KRT85: variants seen among roughly 807,000 people sequenced by gnomAD.
KRT85 encodes the protein keratin, type II cuticular Hb5.
A neutral mutation model predicts 53.7 loss-of-function variants in KRT85; 39 were observed. That is an observed-to-expected ratio of 0.73 (90% CI 0.56 to 0.95). The LOEUF (loss-of-function observed/expected upper bound fraction) is 0.95. Ranked by LOEUF, KRT85 falls within the 40% of genes least tolerant of loss-of-function variation. KRT85 has a pLI of 0.00. For synonymous variants in KRT85, 291 were observed against 277.5 expected, an observed-to-expected ratio of 1.05 and a Z score of -0.48; for missense variants, 668 against 686.0, an observed-to-expected ratio of 0.97 and a Z score of 0.29.
In KRT85 at chr12:52,367,061, G is replaced by A; in HGVS notation, c.345C>T (p.Asn115=). ...TCTCCTCCTGCTTCACGCACTGTGC[G>A]TTGGGGTCGATCTCCAGGTTGAGGG... is the stretch of plus-strand genomic sequence containing the variant. ...LTPLNLEIDP[N]AQCVKQEEKE... Residue 115 remains asparagine, a synonymous_variant, in exon 1 of 9, where the codon AAC becomes AAT. Coordinates refer to ENST00000257901, the MANE Select transcript of KRT85 (RefSeq NM_002283.4). 1.2e-6 allele frequency: 2 copies of A among 1,613,690 alleles called. No homozygotes were observed. Among genetic ancestry groups the A allele is most frequent in the Non-Finnish European group, 1.7e-6 (2 of 1,179,890 alleles).
Position 52,363,408 on chromosome 12 carries a change from C to A in KRT85, c.789G>T (p.Glu263Asp). Residue 263 changes from glutamate to aspartate, a missense_variant and splice_region_variant, in exon 5 of 9, where the codon GAG (glutamate) becomes GAT (aspartate). Glu to Asp is a conservative substitution (Grantham distance 45). Around this residue, in one of 3 missense-constraint regions of KRT85, gnomAD observed 488 missense variants for 498.1 expected, o/e 0.98. Transcript: ENST00000257901. ...AGATGTGGGCTTGGAGAACGCGGAT[C>A]TCCTGTGGGGCCAACAGCCAGTGCA... ...SSFLRRLYEEEIRVLQAHISD... is the reference protein window; with the variant it reads ...SSFLRRLYEEDIRVLQAHISD... 6.2e-7 allele frequency: 1 copy of A among 1,614,170 alleles called. No homozygotes were observed. Among genetic ancestry groups the A allele is most frequent in the Non-Finnish European group, 8.5e-7 (1 of 1,180,036 alleles).
At chr12:52,361,360 G>T in intron 8 of KRT85, 107 bp downstream of exon 8, 1 of 1,040,686 alleles carries the variant, frequency 9.6e-7, no homozygotes. Context: ...GCCAGGGGAG[G>T]GTGAAACAGT....
chr12:52,362,469 A>T lies in KRT85; in HGVS notation c.1080T>A (p.Arg360=), dbSNP rs1939207020. ...CAGCCACAGCAGCCTCCAGCTTGGC[A>T]CGCTATCAGGTGGAGATACAAGGGC... ...TAEIENAKCQ[R]AKLEAAVAEA... is the part of the protein sequence containing the mutation. The change falls in exon 7 of 9, where the codon CGT becomes CGA. Residue 360 remains arginine (R), a splice_region_variant and synonymous_variant. Coordinates refer to ENST00000257901, the MANE Select transcript of KRT85 (RefSeq NM_002283.4). 13 of 1,613,986 alleles carry T rather than the reference A, an allele frequency of 8.1e-6. No homozygotes were observed. Among genetic ancestry groups the T allele is most frequent in the African/African-American group, 1.3e-5 (1 of 74,948 alleles).
chr12:52,362,205 C>T, intron 7 of KRT85, 46 bp downstream of exon 7: 1 of 1,613,414 alleles, frequency 6.2e-7, no homozygotes, highest in Non-Finnish European at 8.5e-7. Context: ...TCCTGGAGGA[C>T]CACAGCCTCC....
rs148741377 is a variant in KRT85, at chr12:52,360,494, G to A, written c.*359C>T. 768 of 292,820 alleles carry A rather than the reference G, an allele frequency of 2.6e-3. 6 individuals are homozygous for A. Among genetic ancestry groups the A allele is most frequent in the African/African-American group, 0.016 (708 of 45,662 alleles). The allele number at this position is 292,820 out of a possible 1,614,324, so 18.1% of individuals were successfully genotyped here. The stretch of plus-strand genomic sequence containing the variant: ...GGCCTGGCTGGATGGTTAGGATGGC[G>A]CCTCCACCCAGAAGGTGGAGCTTCC... On this transcript the variant is annotated 3_prime_UTR_variant, in exon 9 of 9. Transcript: ENST00000257901.
At chr12:52,364,014 T>C in intron 4 of KRT85, 54 bp downstream of exon 4, 2 of 1,360,666 alleles carry the variant, frequency 1.5e-6, no homozygotes, top group Non-Finnish European at 2.1e-6. Context: ...ACTGCTCCCC[T>C]GTCTCCAAAA....
Position 52,365,039 on chromosome 12 carries a change from C to T in KRT85, c.552G>A (p.Glu184=). Residue 184 remains glutamate (E), a synonymous_variant, in exon 2 of 9, where the codon GAG becomes GAA. Coordinates refer to ENST00000257901, the MANE Select transcript of KRT85 (RefSeq NM_002283.4). ...GYIETLRREA[E]CVEADSGRLA... is the part of the protein sequence containing the mutation. ...GCCTCCCGCTGTCGGCCTCCACGCACTCGGCCTCCCGCCGCAGAGTCTCGA... is the reference window on the plus strand; with the variant it reads ...GCCTCCCGCTGTCGGCCTCCACGCATTCGGCCTCCCGCCGCAGAGTCTCGA... 1.9e-6 allele frequency: 3 copies of T among 1,613,466 alleles called. No individual in the cohort carries two copies. Among genetic ancestry groups the T allele is most frequent in the Non-Finnish European group, 2.5e-6 (3 of 1,180,036 alleles).
chr12:52,364,775 C>G, intron 2 of KRT85, 187 bp downstream of exon 2: 2 of 1,372,976 alleles, frequency 1.5e-6, no homozygotes, highest in Non-Finnish European at 2.0e-6. Context: ...CTAAGGCTCA[C>G]AGGGGTGGAG....
chr12:52,363,522 A>C, intron 4 of KRT85, 112 bp from the exon 5 acceptor site: 1 of 1,167,912 alleles, frequency 8.6e-7, no homozygotes, highest in South Asian at 1.3e-5. Context: ...TGAAGGTTAC[A>C]TGACTCCTGC....
chr12:52,360,843 C>CATG lies in KRT85; in HGVS notation c.*7_*9dup. 6.2e-7 allele frequency: 1 copy of CATG among 1,612,172 alleles called. No homozygotes were observed. The highest frequency in any genetic ancestry group is 8.5e-7 in the Non-Finnish European group (1 of 1,179,948). On this transcript the variant is annotated 3_prime_UTR_variant, in exon 9 of 9. Coordinates refer to ENST00000257901, the MANE Select transcript of KRT85 (RefSeq NM_002283.4). ...GGTGCTTGGCAGGAAGCCCTGGCTC[C>CATG]ATGACTCTACTAGGCAAAGCGGACC...
chr12:52,362,494 C>T lies in KRT85; in HGVS notation c.1078-23G>A, dbSNP rs558135700. ...ACGCTATCAGGTGGAGATACAAGGGCCAGGATGAGAAAGAGAAGCCACAGC... is the reference window on the plus strand; with the variant it reads ...ACGCTATCAGGTGGAGATACAAGGGTCAGGATGAGAAAGAGAAGCCACAGC... On this transcript the variant is annotated intron_variant, in intron 6 of 8. Transcript: ENST00000257901. 1.2e-4 allele frequency: 188 copies of T among 1,612,866 alleles called. 4 individuals are homozygous for T. In the South Asian group the frequency reaches 2.0e-3, roughly 17 times the overall value.
Position 52,365,067 on chromosome 12 carries a change from T to C in KRT85, c.524A>G (p.Tyr175Cys). The C allele has an allele frequency of 6.2e-7, 1 of 1,613,924 alleles. No individual in the cohort carries two copies. The highest frequency in any genetic ancestry group is 1.1e-5 in the South Asian group (1 of 91,060). The change falls in exon 2 of 9, where the codon TAC becomes TGC. Residue 175 changes from tyrosine (Y) to cysteine (C), a missense_variant. Physicochemically the swap from Tyr to Cys is radical, Grantham distance 194 (BLOSUM62 -2). This residue lies in a region of KRT85 where 488 missense variants were observed against 498.1 expected (regional missense o/e 0.98). Coordinates refer to ENST00000257901, the MANE Select transcript of KRT85 (RefSeq NM_002283.4). ...ESNLEPLFSG[Y>C]IETLRREAEC... ...GGCCTCCCGCCGCAGAGTCTCGATG[T>C]AGCCACTGAACAGTGGCTCCAGGTT...
Position 52,360,369 on chromosome 12 carries a change from A to G in KRT85, c.*484T>C, listed in dbSNP as rs1732247. ...TCTGAGAGAGAAGCAAAACATGAAC[A>G]GGAATGAACAGGCAAGTGCTTGCTG... is the stretch of plus-strand genomic sequence containing the variant. On this transcript the variant is annotated 3_prime_UTR_variant, in exon 9 of 9. Transcript: ENST00000257901. 175,521 of 188,106 alleles carry G rather than the reference A, an allele frequency of 0.93. 82,096 individuals carry two copies. The highest frequency in any genetic ancestry group is 1 in the East Asian group (6,527 of 6,532). The allele number at this position is 188,106 out of a possible 1,614,324, so 11.7% of individuals were successfully genotyped here. A position where few individuals can be genotyped will look rare whatever the true frequency, so the allele number is the denominator to read the frequency against.
In KRT85 at chr12:52,362,445, A is replaced by G. The variant is rs370112897; in HGVS notation, c.1104T>C (p.Ala368=). ...CQRAKLEAAV[A]EAEQQGEAAL... ...CCGCCTCACCCTGCTGCTCTGCCTC[A>G]GCCACAGCAGCCTCCAGCTTGGCAC... The change falls in exon 7 of 9, where the codon GCT becomes GCC. Residue 368 remains alanine, a synonymous_variant. Coordinates refer to ENST00000257901, the MANE Select transcript of KRT85 (RefSeq NM_002283.4). 5.6e-5 allele frequency: 90 copies of G among 1,614,172 alleles called. 1 individual carries two copies. The South Asian group carries it at 7.7e-4, about 14-fold the overall frequency.
At chr12:52,364,226 G>A in intron 3 of KRT85, 63 bp from the exon 4 acceptor site, 1 of 1,611,898 alleles carries the variant, frequency 6.2e-7, no homozygotes, top group Middle Eastern at 1.7e-4. Context: ...AGGTGCCTTT[G>A]GTCAGCATGG....
intron 1 of KRT85, among the ~76,000 whole-genome samples, chr12:52,365,448 A>G: frequency 6.6e-6 from 1 of 152,208 alleles, no homozygotes; most frequent in Non-Finnish European, 1.5e-5. Flanking sequence ...CCTTTCCAAA[A>G]TGGAGCGAAT....
At position 52,362,319 on chromosome 12, in the gene KRT85, C is replaced by T. The variant is rs996711848; in HGVS notation, c.1230G>A (p.Met410Ile). ...CGATGTCCAGGCCCAGCTTGGAGTT[C>T]ATCACCTCCTGGTACTCCTTGAGCA... ...ACLLKEYQEV[M>I]NSKLGLDIEI... The change falls in exon 7 of 9, where the codon ATG becomes ATA. Residue 410 changes from methionine (M) to isoleucine (I), a missense_variant. Met to Ile is a conservative substitution (Grantham distance 10). This residue lies in a region of KRT85 where 488 missense variants were observed against 498.1 expected (regional missense o/e 0.98). Transcript: ENST00000257901. The T allele has an allele frequency of 2.5e-6, 4 of 1,614,080 alleles. No individual in the cohort carries two copies. The African/African-American group carries it at 4.0e-5, about 16-fold the overall frequency.
At position 52,361,585 on chromosome 12, in the gene KRT85, C is replaced by A. The variant is rs1385760802; in HGVS notation, c.1299-87G>T. ...TTGCTTGGGGACAGAGAGGGTCATC[C>A]TGTGTACAGAGTCTACCCCTGAAAG... is the stretch of plus-strand genomic sequence containing the variant. On this transcript the variant is annotated intron_variant, in intron 7 of 8. Coordinates refer to ENST00000257901, the MANE Select transcript of KRT85 (RefSeq NM_002283.4). 3 of 1,250,822 alleles carry A rather than the reference C, an allele frequency of 2.4e-6. No individual in the cohort carries two copies. In the Admixed American group the frequency reaches 5.0e-5, roughly 21 times the overall value. The allele number at this position is 1,250,822 out of a possible 1,614,324, so 77.5% of individuals were successfully genotyped here.
intron 2 of KRT85, 152 bp from the exon 3 acceptor site, chr12:52,364,518 T>C (rs1939243755): frequency 6.6e-7 from 1 of 1,514,064 alleles, no homozygotes; most frequent in Non-Finnish European, 8.8e-7. Flanking sequence ...GTATTATTCA[T>C]GGGCCAGCCC....
Sources: allele counts gnomAD v4.1 joint callset (sites outside exome capture counted in the v4.1 genomes callset), GRCh38; gene constraint gnomAD v4.1.1; regional missense constraint gnomAD v4.1.1; transcripts MANE v1.5; gene names NCBI Gene and HGNC (gene_info 2026-07-23, HGNC 2026-07-21).